The following DAZAP1 variants were observed in gnomAD, a reference collection of about 807,000 sequenced individuals.
DAZAP1 encodes DAZ-associated protein 1.
In DAZAP1, 6 loss-of-function variants were observed where a neutral mutation model predicts 60.1. The observed-to-expected ratio is 0.10, with a 90% CI of 0.05 to 0.20. The LOEUF (loss-of-function observed/expected upper bound fraction) is 0.20. Among genes scored for constraint, DAZAP1 ranks in the 10% least tolerant of loss-of-function variants. The pLI is 1.00. For missense variants in DAZAP1, 366 were observed against 560.4 expected, an observed-to-expected ratio of 0.65 and a Z score of 3.50; for synonymous variants, 235 against 215.9, an observed-to-expected ratio of 1.09 and a Z score of -0.78.
At position 1,425,751 on chromosome 19, in the gene DAZAP1, GC is replaced by G. The variant is rs2083292374; in HGVS notation, c.464-126del. The stretch of plus-strand genomic sequence containing the variant: ...AGGGAGGCAGCTGCCCCAGGGGCCC[GC>G]AGCGCCCCACACACAGCTTAGCTGA... On this transcript the variant is annotated intron_variant, in intron 6 of 11. Transcript: ENST00000233078. This position sits in a 1 kb window ranked among gnomAD's most constrained non-coding sequence, Gnocchi z 5.4. 1 of 711,686 alleles carries G rather than the reference GC, an allele frequency of 1.4e-6. No homozygotes were observed. Among genetic ancestry groups the G allele is most frequent in the Non-Finnish European group, 2.5e-6 (1 of 392,658 alleles). The allele number at this position is 711,686 out of a possible 1,614,324, so 44.1% of individuals were successfully genotyped here.
intron 1 of DAZAP1, chr19:1,417,247 G>A (rs547475014): frequency 2.2e-5 from 12 of 538,640 alleles, no homozygotes; most frequent in African/African-American, 9.6e-5. Context: ...CGCCCGCCAC[G>A]CATGAGGTCA....
chr19:1,413,369 G>A (rs530551976), intron 1 of DAZAP1, among the ~76,000 whole-genome samples: 10 of 152,330 alleles, frequency 6.6e-5, no homozygotes, highest in Non-Finnish European at 1.3e-4. Flanking sequence ...CTGATGTGCC[G>A]GCTTCTCACT....
intron 1 of DAZAP1, among the ~76,000 whole-genome samples, chr19:1,414,129 G>A (rs908365217): frequency 2.6e-5 from 4 of 151,554 alleles, no homozygotes; most frequent in Non-Finnish European, 4.4e-5. Flanking sequence ...AGTACACCTC[G>A]AGCTCAGCCT....
At chr19:1,417,038 C>A in intron 1 of DAZAP1, 1 of 181,156 alleles carries the variant, frequency 5.5e-6, no homozygotes, top group Non-Finnish European at 1.1e-5. Context: ...TCCCCCCACC[C>A]CCGCCCCAGG....
At position 1,435,563 on chromosome 19, in the gene DAZAP1, C is replaced by A. The variant is rs538277153; in HGVS notation, c.*651C>A. 1.2e-4 allele frequency: 19 copies of A among 152,390 alleles called. No individual in the cohort carries two copies. Among genetic ancestry groups the A allele is most frequent in the African/African-American group, 4.6e-4 (19 of 41,594 alleles). 9.4% of individuals were successfully genotyped at this position (152,390 alleles called of 1,614,324 possible). A position where few individuals can be genotyped will look rare whatever the true frequency, so the allele number is the denominator to read the frequency against. On this transcript the variant is annotated 3_prime_UTR_variant, in exon 12 of 12. Transcript: ENST00000233078. The stretch of plus-strand genomic sequence containing the variant: ...TTGCGCACAGCCAGCCGCGTGGATC[C>A]CACGCAGCGCTGAACCGAACCGAGT...
chr19:1,408,324 G>A (rs1042949001), intron 1 of DAZAP1, among the ~76,000 whole-genome samples: 12 of 151,564 alleles, frequency 7.9e-5, no homozygotes, highest in Admixed American at 2.0e-4. Context: ...AGAACCTGAG[G>A]GAGTCTGCGG....
Position 1,418,466 on chromosome 19 carries a change from A to AATACTCTAAC in DAZAP1, c.237+96_237+97insATACTCTAAC. The AATACTCTAAC allele has an allele frequency of 6.6e-7, 1 of 1,514,120 alleles. No homozygotes were observed. Among genetic ancestry groups the AATACTCTAAC allele is most frequent in the African/African-American group, 1.4e-5 (1 of 72,864 alleles). The allele number at this position is 1,514,120 out of a possible 1,614,324, so 93.8% of individuals were successfully genotyped here. A position where few individuals can be genotyped will look rare whatever the true frequency, so the allele number is the denominator to read the frequency against. ...GGACTCTGACCGATGTTTGCGTTAG[A>AATACTCTAAC]GTATGTTTGAACGTGGGGTCGATTG... On this transcript the variant is annotated intron_variant, in intron 3 of 11. Coordinates refer to ENST00000233078, the MANE Select transcript of DAZAP1 (RefSeq NM_018959.4). The surrounding 1 kb of genome is among the most constrained non-coding windows in gnomAD (Gnocchi z 5.7).
At chr19:1,430,986 G>A (rs141106746) in intron 10 of DAZAP1, among the ~76,000 whole-genome samples, 1,598 of 151,956 alleles carry the variant, frequency 0.011, 61 homozygotes, top group Admixed American at 0.077. Flanking sequence ...CTCCCAAAGT[G>A]CTGGGATTAC....
rs948046076 is a variant in DAZAP1, at chr19:1,423,974, G to T, written c.463+1578G>T. On this transcript the variant is annotated intron_variant, in intron 6 of 11. Coordinates refer to ENST00000233078, the MANE Select transcript of DAZAP1 (RefSeq NM_018959.4). This position sits in a 1 kb window ranked among gnomAD's most constrained non-coding sequence, Gnocchi z 6.8. ...GTGTCCCTTGGGTGTCAGGCGAGTG[G>T]AGGGCCGGAGAGACGCTGCGGCGCT... Among the ~76,000 whole-genome samples, 1 of 152,218 alleles carries T rather than the reference G, an allele frequency of 6.6e-6. No homozygotes were observed. The highest frequency in any genetic ancestry group is 1.5e-5 in the Non-Finnish European group (1 of 68,032).
intron 1 of DAZAP1, among the ~76,000 whole-genome samples, chr19:1,408,119 T>TG (rs910364727): frequency 6.7e-6 from 1 of 149,710 alleles, no homozygotes; most frequent in Non-Finnish European, 1.5e-5. Flanking sequence ...AACGGCAACC[T>TG]GGGGGGGTGT....
At chr19:1,431,868 G>A (rs1465510163) in intron 10 of DAZAP1, among the ~76,000 whole-genome samples, 2 of 152,148 alleles carry the variant, frequency 1.3e-5, no homozygotes, top group Non-Finnish European at 2.9e-5. Flanking sequence ...GGGCCCTGGG[G>A]GTGTTTGACA....
intron 6 of DAZAP1, among the ~76,000 whole-genome samples, chr19:1,424,936 G>A (rs569436889): frequency 6.6e-6 from 1 of 152,250 alleles, no homozygotes; most frequent in African/African-American, 2.4e-5. Flanking sequence ...GCACTCCTGC[G>A]CCTAGAGGAG....
chr19:1,424,317 T>TCCTCCTCCTCTTCCCCCTCCC (rs2083246432), intron 6 of DAZAP1, among the ~76,000 whole-genome samples: 1 of 130,182 alleles, frequency 7.7e-6, no homozygotes. Flanking sequence ...CTCCTCCTCT[T>TCCTCCTCCTCTTCCCCCTCCC]CCTCCTCCTC....
At chr19:1,420,394 C>A (rs1229084352) in intron 4 of DAZAP1, among the ~76,000 whole-genome samples, 2 of 145,430 alleles carry the variant, frequency 1.4e-5, no homozygotes, top group Non-Finnish European at 3.0e-5. Context: ...CCATCCCGAC[C>A]GTCACGGCGG....
At position 1,432,831 on chromosome 19, in the gene DAZAP1, G is replaced by C; in HGVS notation, c.1048+141G>C. 9.8e-7 allele frequency: 1 copy of C among 1,021,750 alleles called. No homozygotes were observed. The highest frequency in any genetic ancestry group is 1.4e-6 in the Non-Finnish European group (1 of 708,678). 63.3% of individuals were successfully genotyped at this position (1,021,750 alleles called of 1,614,324 possible). On this transcript the variant is annotated intron_variant, in intron 11 of 11. Transcript: ENST00000233078. This position sits in a 1 kb window ranked among gnomAD's most constrained non-coding sequence, Gnocchi z 4.9. ...GGGAGAGGGAGGAGAGGGGGGTGTG[G>C]GGGTTGTTGGAGAGATCTCGTGGCA...
Position 1,433,036 on chromosome 19 carries a change from C to T in DAZAP1, c.1048+346C>T, listed in dbSNP as rs975718181. The T allele has an allele frequency of 2.4e-5, 6 of 252,196 alleles. No homozygotes were observed. The highest frequency in any genetic ancestry group is 4.6e-5 in the Non-Finnish European group (6 of 130,774). 15.6% of individuals were successfully genotyped at this position (252,196 alleles called of 1,614,324 possible). A position where few individuals can be genotyped will look rare whatever the true frequency, so the allele number is the denominator to read the frequency against. ...AGGCCCTCGGTGTGGGTCCCGGGTG[C>T]ACTGGCCCCTTGGTGGGTTCCAGTT... On this transcript the variant is annotated intron_variant, in intron 11 of 11. Transcript: ENST00000233078. The surrounding 1 kb of genome is among the most constrained non-coding windows in gnomAD (Gnocchi z 6.1).
chr19:1,414,009 G>GTGTT (rs1260612079), intron 1 of DAZAP1, among the ~76,000 whole-genome samples: 1 of 150,470 alleles, frequency 6.6e-6, no homozygotes, highest in Admixed American at 6.6e-5. Context: ...GTGTGTGTGT[G>GTGTT]TGTGTGTGTG....
chr19:1,430,142 C>T (rs2083407460), intron 9 of DAZAP1, 80 bp from the exon 10 acceptor site: 2 of 1,519,758 alleles, frequency 1.3e-6, no homozygotes, highest in Non-Finnish European at 1.8e-6. Flanking sequence ...GCTAGGGCCC[C>T]TGGCAGGCCT....
chr19:1,415,504 G>T (rs1357132694), intron 1 of DAZAP1, among the ~76,000 whole-genome samples: 2 of 151,806 alleles, frequency 1.3e-5, no homozygotes, highest in Admixed American at 1.3e-4. Context: ...CCTTCATGGG[G>T]TGGGGGCTGC....
Sources: allele counts gnomAD v4.1 joint callset (sites outside exome capture counted in the v4.1 genomes callset), GRCh38; gene constraint gnomAD v4.1.1; non-coding constraint Gnocchi (gnomAD v3.1); transcripts MANE v1.5; gene names NCBI Gene and HGNC (gene_info 2026-07-23, HGNC 2026-07-21).